Variants in ATP6V1B2 observed in about 807,000 individuals in gnomAD.
ATP6V1B2 encodes the protein ATPase H+ transporting V1 subunit B2.
In ATP6V1B2, 23 loss-of-function variants were observed where a neutral mutation model predicts 66.7. That is an observed-to-expected ratio of 0.34 (90% CI 0.25 to 0.49). The LOEUF (loss-of-function observed/expected upper bound fraction) is 0.49. Ranked by LOEUF, ATP6V1B2 falls within the 20% of genes least tolerant of loss-of-function variation. The pLI is 0.99. For synonymous variants in ATP6V1B2, 278 were observed against 236.7 expected, an observed-to-expected ratio of 1.17 and a Z score of -1.60; for missense variants, 478 against 650.8, an observed-to-expected ratio of 0.73 and a Z score of 2.89.
At chr8:20,216,527 C>G in intron 11 of ATP6V1B2, 32 bp downstream of exon 11, 1 of 1,568,632 alleles carries the variant, frequency 6.4e-7, no homozygotes, top group Non-Finnish European at 8.8e-7. Context: ...GGGAAGCTTG[C>G]AGACCTGCTC....
Position 20,220,416 on chromosome 8 carries a change from A to G in ATP6V1B2, c.*14A>G, listed in dbSNP as rs1230879040. ...GCAAAGCATTAGCTGCTGCTTCTGC[A>G]TTGCTCCGCGCTCTTGTGAAATACT... On this transcript the variant is annotated 3_prime_UTR_variant, in exon 14 of 14. Coordinates refer to ENST00000276390, the MANE Select transcript of ATP6V1B2 (RefSeq NM_001693.4). The G allele has an allele frequency of 3.2e-6, 5 of 1,556,808 alleles. No homozygotes were observed. The East Asian group carries it at 7.1e-5, about 22-fold the overall frequency.
At chr8:20,211,956 C>G (rs1585251490) in intron 7 of ATP6V1B2, 146 bp from the exon 8 acceptor site, 2 of 858,262 alleles carry the variant, frequency 2.3e-6, no homozygotes, top group African/African-American at 3.4e-5. Flanking sequence ...CAAACCGGCT[C>G]TTTGTTCTGT....
rs1448506108 is a variant in ATP6V1B2 at position 20,221,502 on chromosome 8, C to G, written c.*1100C>G. On this transcript the variant is annotated 3_prime_UTR_variant, in exon 14 of 14. Coordinates refer to ENST00000276390, the MANE Select transcript of ATP6V1B2 (RefSeq NM_001693.4). ...GTTCTGCCATGCGTCCTGTTGGTCT[C>G]TCTGTGTTCTTTGTTACTTGGGTGC... 3 of 152,620 alleles carry G rather than the reference C, an allele frequency of 2.0e-5. No individual in the cohort carries two copies. The highest frequency in any genetic ancestry group is 4.8e-5 in the African/African-American group (2 of 41,416). 9.5% of individuals were successfully genotyped at this position (152,620 alleles called of 1,614,324 possible).
At position 20,220,578 on chromosome 8, in the gene ATP6V1B2, C is replaced by A; in HGVS notation, c.*176C>A. The A allele has an allele frequency of 1.1e-6, 1 of 900,118 alleles. No individual in the cohort carries two copies. The highest frequency in any genetic ancestry group is 1.5e-6 in the Non-Finnish European group (1 of 646,080). The allele number at this position is 900,118 out of a possible 1,614,324, so 55.8% of individuals were successfully genotyped here. A position where few individuals can be genotyped will look rare whatever the true frequency, so the allele number is the denominator to read the frequency against. On this transcript the variant is annotated 3_prime_UTR_variant, in exon 14 of 14. Transcript: ENST00000276390. ...TGCAACGTTTTAAACTGCTAACAGA[C>A]CTTAAAATATCCCCCTACCTGGGTC...
rs772655534 is a variant in ATP6V1B2 at position 20,220,423 on chromosome 8, C to T, written c.*21C>T. ...ATTAGCTGCTGCTTCTGCATTGCTC[C>T]GCGCTCTTGTGAAATACTGGTTCTG... On this transcript the variant is annotated 3_prime_UTR_variant, in exon 14 of 14. Coordinates refer to ENST00000276390, the MANE Select transcript of ATP6V1B2 (RefSeq NM_001693.4). 48 of 1,537,256 alleles carry T rather than the reference C, an allele frequency of 3.1e-5. No homozygotes were observed. The Admixed American group carries it at 5.6e-4, about 18-fold the overall frequency.
intron 6 of ATP6V1B2, 167 bp downstream of exon 6, chr8:20,211,483 T>C: frequency 7.9e-7 from 1 of 1,259,718 alleles, no homozygotes; most frequent in Non-Finnish European, 1.1e-6. Flanking sequence ...TCTTCTTGCT[T>C]ACCCTTGCAT....
At chr8:20,212,978 G>A in intron 9 of ATP6V1B2, 73 bp downstream of exon 9, 1 of 1,578,734 alleles carries the variant, frequency 6.3e-7, no homozygotes, top group Non-Finnish European at 8.6e-7. Flanking sequence ...CACTTTGCAA[G>A]TTTTCATTCT....
chr8:20,218,130 A>C, intron 12 of ATP6V1B2, 23 bp from the exon 13 acceptor site: 1 of 1,610,148 alleles, frequency 6.2e-7, no homozygotes, highest in Non-Finnish European at 8.5e-7. Flanking sequence ...CTCTCTGCTG[A>C]TGGGTGCCTT....
rs762837069 is a variant in ATP6V1B2, at chr8:20,211,242, A to G, written c.529A>G (p.Ile177Val). The G allele has an allele frequency of 1.2e-6, 2 of 1,613,428 alleles. No individual in the cohort carries two copies. The highest frequency in any genetic ancestry group is 1.1e-5 in the South Asian group (1 of 91,032). The part of the protein sequence containing the change: ...EEMIQTGISA[I>V]DGMNSIARGQ... ...AATGATTCAGACTGGCATTTCGGCC[A>G]TCGATGGGATGAACAGTATTGCTAG... Residue 177 changes from isoleucine (I) to valine (V), a missense_variant, in exon 6 of 14, where the codon ATC (isoleucine) becomes GTC (valine). By Grantham distance (29) the Ile-to-Val change is conservative (BLOSUM62 3). Around this residue, in one of 2 missense-constraint regions of ATP6V1B2, gnomAD observed 326 missense variants for 545.6 expected, o/e 0.60. Transcript: ENST00000276390.
chr8:20,197,609 C>G (rs2072641730), intron 1 of ATP6V1B2, 67 bp downstream of exon 1: 1 of 1,303,584 alleles, frequency 7.7e-7, no homozygotes, highest in African/African-American at 1.5e-5. Context: ...TCCCAGTCAC[C>G]TGCTTAGCCA....
At position 20,197,412 on chromosome 8, in the gene ATP6V1B2, G is replaced by T. The variant is rs1330914351; in HGVS notation, c.6G>T (p.Ala2=). 12 of 1,541,194 alleles carry T rather than the reference G, an allele frequency of 7.8e-6. No individual in the cohort carries two copies. The highest frequency in any genetic ancestry group is 1.0e-5 in the Non-Finnish European group (12 of 1,145,252). ...GTCGGGACAGAGGAGACAAGATGGCGCTGCGGGCGATGCGGGGGATTGTCA... is the reference window on the plus strand; with the variant it reads ...GTCGGGACAGAGGAGACAAGATGGCTCTGCGGGCGATGCGGGGGATTGTCA... M[A]LRAMRGIVNG... is the part of the protein sequence containing the mutation. The change falls in exon 1 of 14, where the codon GCG becomes GCT. Residue 2 remains alanine (A), a synonymous_variant. Transcript: ENST00000276390.
At chr8:20,217,657 G>C (rs1390846157) in intron 12 of ATP6V1B2, among the ~76,000 whole-genome samples, 1 of 152,064 alleles carries the variant, frequency 6.6e-6, no homozygotes, top group Non-Finnish European at 1.5e-5. Context: ...CCTATTTCTT[G>C]CTTAACATAT....
intron 6 of ATP6V1B2, 163 bp from the exon 7 acceptor site, chr8:20,211,489 T>C: frequency 8.0e-7 from 1 of 1,248,980 alleles, no homozygotes; most frequent in Non-Finnish European, 1.1e-6. Flanking sequence ...TGCTTACCCT[T>C]GCATATCTTT....
chr8:20,205,340 A>G (rs1392437960), intron 2 of ATP6V1B2, among the ~76,000 whole-genome samples: 3 of 152,228 alleles, frequency 2.0e-5, no homozygotes, highest in Non-Finnish European at 4.4e-5. Flanking sequence ...CCCAGTACAG[A>G]AAATATAATG....
intron 13 of ATP6V1B2, 48 bp downstream of exon 13, chr8:20,218,330 T>C: frequency 6.3e-7 from 1 of 1,590,942 alleles, no homozygotes; most frequent in East Asian, 2.2e-5. Flanking sequence ...ATATGTAATT[T>C]TGAAAACTGC....
At chr8:20,212,279 G>A (rs1585251700) in intron 8 of ATP6V1B2, 80 bp downstream of exon 8, 14 of 1,300,878 alleles carry the variant, frequency 1.1e-5, no homozygotes, top group Middle Eastern at 1.8e-4. Context: ...GTAAAATGTG[G>A]TAATAACAGC....
chr8:20,200,798 G>T (rs1226811649), intron 1 of ATP6V1B2, among the ~76,000 whole-genome samples: 2 of 152,182 alleles, frequency 1.3e-5, no homozygotes, highest in African/African-American at 4.8e-5. Flanking sequence ...TCTTCTCCTT[G>T]CTTTTTTCCT....
chr8:20,205,860 A>G (rs1355380587), intron 2 of ATP6V1B2, among the ~76,000 whole-genome samples: 1 of 152,248 alleles, frequency 6.6e-6, no homozygotes, highest in Non-Finnish European at 1.5e-5. Context: ...TAATGCATTC[A>G]TGTTAGATAT....
chr8:20,219,395 A>G (rs927910819), intron 13 of ATP6V1B2, among the ~76,000 whole-genome samples: 1 of 152,114 alleles, frequency 6.6e-6, no homozygotes, highest in African/African-American at 2.4e-5. Context: ...TCCCTCTACT[A>G]AAAAAACCTG....
Sources: gnomAD v4.1 joint callset for allele counts (sites outside exome capture counted in the v4.1 genomes callset) on GRCh38, gnomAD v4.1.1 for gene constraint, gnomAD v4.1.1 regional missense constraint, MANE v1.5 for transcripts, NCBI Gene and HGNC (gene_info 2026-07-23, HGNC 2026-07-21) for gene names.